Variants in GRM8 observed in about 807,000 individuals in gnomAD.
The protein encoded by GRM8 is metabotropic glutamate receptor 8.
A neutral mutation model predicts 87.2 loss-of-function variants in GRM8; 47 were observed. The ratio of observed to expected loss-of-function variants is 0.54; its 90% CI spans 0.43 to 0.69. The LOEUF (loss-of-function observed/expected upper bound fraction) is 0.69, where lower values mean the gene tolerates loss of function less well. GRM8 is among the 30% of genes least tolerant of loss of function. The probability of loss-of-function intolerance (pLI) is 0.00; values close to 1 mark genes in which losing one functional copy is unlikely to be tolerated. For synonymous variants in GRM8, 396 were observed against 404.5 expected (o/e 0.98, Z 0.25); for missense variants, 1,019 against 1,139.2 (o/e 0.89, Z 1.52).
At chr7:126,729,347 T>A (rs1813352280) in intron 7 of GRM8, among the ~76,000 whole-genome samples, 1 of 151,866 alleles carries the variant, frequency 6.6e-6, no homozygotes, top group African/African-American at 2.4e-5. Flanking sequence ...AGCCAAGGAG[T>A]CAAAACTCCA....
At chr7:126,815,400 C>T (rs1313009975) in intron 6 of GRM8, among the ~76,000 whole-genome samples, 3 of 152,106 alleles carry the variant, frequency 2.0e-5, no homozygotes, top group Non-Finnish European at 4.4e-5. Flanking sequence ...AAATCGTATA[C>T]ATAGAAAAGA....
chr7:126,967,030 A>C (rs1227364103), intron 3 of GRM8, among the ~76,000 whole-genome samples: 1 of 152,142 alleles, frequency 6.6e-6, no homozygotes, highest in Non-Finnish European at 1.5e-5. Flanking sequence ...AAAGATAAGA[A>C]CTTTGCATCT....
At chr7:127,135,378 T>C (rs1245158954) in intron 2 of GRM8, among the ~76,000 whole-genome samples, 1 of 151,952 alleles carries the variant, frequency 6.6e-6, no homozygotes, top group Non-Finnish European at 1.5e-5. Context: ...TTAGGTGGTG[T>C]TTGAGCTATT....
At chr7:126,933,306 C>T (rs185991438) in intron 3 of GRM8, among the ~76,000 whole-genome samples, 5 of 152,270 alleles carry the variant, frequency 3.3e-5, no homozygotes, top group Admixed American at 3.3e-4. Flanking sequence ...GTGCGAAGAG[C>T]AATGCAGGCA....
chr7:127,031,937 T>G (rs1443866270), intron 3 of GRM8, among the ~76,000 whole-genome samples: 5 of 152,114 alleles, frequency 3.3e-5, no homozygotes, highest in Non-Finnish European at 7.4e-5. Context: ...AGACCTTCTA[T>G]TTTCTCCTCA....
At chr7:127,223,417 A>G (rs1434952329) in intron 2 of GRM8, among the ~76,000 whole-genome samples, 1 of 149,814 alleles carries the variant, frequency 6.7e-6, no homozygotes, top group Non-Finnish European at 1.5e-5. Context: ...TAACCACTCT[A>G]CTCGAAACAC....
intron 7 of GRM8, among the ~76,000 whole-genome samples, chr7:126,674,983 A>C (rs962769073): frequency 5.3e-5 from 8 of 152,220 alleles, no homozygotes; most frequent in African/African-American, 4.8e-5. Context: ...CAGGCAAGTC[A>C]CTTTGTGTCT....
chr7:127,062,182 C>G (rs138220408), intron 3 of GRM8, among the ~76,000 whole-genome samples: 1 of 150,346 alleles, frequency 6.7e-6, no homozygotes, highest in Non-Finnish European at 1.5e-5. Context: ...GAAAAGAAGA[C>G]GAAAGGCTAA....
intron 9 of GRM8, among the ~76,000 whole-genome samples, chr7:126,497,906 G>A (rs971139308): frequency 2.0e-5 from 3 of 151,950 alleles, no homozygotes; most frequent in African/African-American, 7.2e-5. Flanking sequence ...GAGTGTAGGT[G>A]GGGACCTCTT....
chr7:126,613,695 C>A (rs953372512), intron 7 of GRM8, among the ~76,000 whole-genome samples: 4 of 152,164 alleles, frequency 2.6e-5, no homozygotes, highest in African/African-American at 9.7e-5. Context: ...TGCGCTTTTC[C>A]AACGGTCTTA....
chr7:127,057,657 T>C (rs6944936), intron 3 of GRM8, among the ~76,000 whole-genome samples: 238 of 152,324 alleles, frequency 1.6e-3, no homozygotes, highest in African/African-American at 5.5e-3. Flanking sequence ...CCAGAAAAGA[T>C]ATTAGTTACA....
intron 9 of GRM8, among the ~76,000 whole-genome samples, chr7:126,501,599 G>A (rs1440291179): frequency 6.6e-6 from 1 of 152,038 alleles, no homozygotes; most frequent in Non-Finnish European, 1.5e-5. Context: ...AGAAACAACA[G>A]TGAGTAAACA....
intron 7 of GRM8, among the ~76,000 whole-genome samples, chr7:126,633,728 CA>C (rs1801578635): frequency 6.6e-6 from 1 of 151,752 alleles, no homozygotes; most frequent in African/African-American, 2.4e-5. Context: ...TAACCTCTTT[CA>C]CTAAATAACT....
chr7:126,919,326 C>T (rs540342986), intron 3 of GRM8, among the ~76,000 whole-genome samples: 9 of 152,290 alleles, frequency 5.9e-5, no homozygotes, highest in Non-Finnish European at 8.8e-5. Flanking sequence ...GAATATACCA[C>T]ATAGCTGCCT....
At chr7:126,577,730 G>A (rs1198979107) in intron 8 of GRM8, among the ~76,000 whole-genome samples, 1 of 152,118 alleles carries the variant, frequency 6.6e-6, no homozygotes, top group East Asian at 1.9e-4. Context: ...AAATCTCTAT[G>A]TAACCCAATG....
At chr7:126,531,294 T>TC (rs1335231952) in intron 9 of GRM8, among the ~76,000 whole-genome samples, 1 of 152,234 alleles carries the variant, frequency 6.6e-6, no homozygotes, top group Non-Finnish European at 1.5e-5. Context: ...TTAGCCTTTT[T>TC]CACATTCAAC....
At chr7:127,240,424 C>A (rs1293794245) in intron 2 of GRM8, among the ~76,000 whole-genome samples, 18 of 141,352 alleles carry the variant, frequency 1.3e-4, no homozygotes, top group African/African-American at 1.6e-4. Flanking sequence ...GATTCTATGG[C>A]AAAAAAAAAA....
intron 3 of GRM8, among the ~76,000 whole-genome samples, chr7:127,101,247 G>C (rs1825212359): frequency 6.6e-6 from 1 of 152,132 alleles, no homozygotes; most frequent in Non-Finnish European, 1.5e-5. Flanking sequence ...GGCCAAGATT[G>C]TTATTGCAAT....
intron 3 of GRM8, among the ~76,000 whole-genome samples, chr7:126,954,876 C>T (rs1323021413): frequency 1.3e-5 from 2 of 152,038 alleles, no homozygotes; most frequent in African/African-American, 2.4e-5. Context: ...TAGATTTTAT[C>T]GGAAAGACAG....
Sources: gnomAD v4.1 joint callset for allele counts (sites outside exome capture counted in the v4.1 genomes callset) on GRCh38, gnomAD v4.1.1 for gene constraint, MANE v1.5 for transcripts, NCBI Gene and HGNC (gene_info 2026-07-23, HGNC 2026-07-21) for gene names.